DCDC2: variants seen among roughly 807,000 people sequenced by gnomAD.
DCDC2 encodes doublecortin domain containing 2, also known as doublecortin domain-containing protein 2.
DCDC2 carries 40 observed loss-of-function variants against 50.2 expected under a neutral mutation model. That is an observed-to-expected ratio of 0.80 (90% CI 0.62 to 1.04). DCDC2 has a LOEUF of 1.04. Among genes scored for constraint, DCDC2 ranks in the 50% least tolerant of loss-of-function variants. DCDC2 has a pLI of 0.00. For missense variants in DCDC2, 570 were observed against 581.9 expected, an observed-to-expected ratio of 0.98 and a Z score of 0.21; for synonymous variants, 234 against 210.6, an observed-to-expected ratio of 1.11 and a Z score of -0.96.
chr6:24,340,005 G>A (rs762105362), intron 2 of DCDC2, among the ~76,000 whole-genome samples: 2 of 152,084 alleles, frequency 1.3e-5, no homozygotes, highest in African/African-American at 2.4e-5. Flanking sequence ...ATAGAGTTTC[G>A]GAATAAATAA....
chr6:24,290,906 G>A (rs1376693942), intron 5 of DCDC2, 26 bp downstream of exon 5: 3 of 1,591,492 alleles, frequency 1.9e-6, no homozygotes, highest in East Asian at 4.5e-5. Flanking sequence ...ACTAAAGCAT[G>A]AGGAGTGGTA....
chr6:24,180,201 C>G (rs1324423679), intron 8 of DCDC2, among the ~76,000 whole-genome samples: 1 of 152,116 alleles, frequency 6.6e-6, no homozygotes, highest in African/African-American at 2.4e-5. Context: ...ACATGGAAAT[C>G]CCTTCCCATT....
chr6:24,256,984 C>G (rs1762909055), intron 7 of DCDC2, among the ~76,000 whole-genome samples: 1 of 152,164 alleles, frequency 6.6e-6, no homozygotes, highest in Non-Finnish European at 1.5e-5. Context: ...TCAGTTTTCT[C>G]TACACAGAGC....
chr6:24,271,822 T>G (rs1039712291), intron 7 of DCDC2, among the ~76,000 whole-genome samples: 28 of 152,292 alleles, frequency 1.8e-4, no homozygotes, highest in African/African-American at 6.7e-4. Context: ...GTGATCTGAG[T>G]ATCAAAATAC....
intron 7 of DCDC2, among the ~76,000 whole-genome samples, chr6:24,238,751 T>C (rs1352013697): frequency 3.9e-5 from 6 of 152,164 alleles, no homozygotes; most frequent in Non-Finnish European, 7.3e-5. Flanking sequence ...TAAAGGATTA[T>C]CAGATGGAAG....
the DCDC2 span, among the ~76,000 whole-genome samples, chr6:24,368,058 AAG>A: frequency 1.3e-5 from 2 of 152,128 alleles, no homozygotes; most frequent in African/African-American, 4.8e-5. Context: ...GTCACATCCA[AAG>A]AGAGAATTAT....
At chr6:24,228,813 TGTCCACAAAGA>T (rs1762285196) in intron 7 of DCDC2, among the ~76,000 whole-genome samples, 1 of 152,152 alleles carries the variant, frequency 6.6e-6, no homozygotes, top group South Asian at 2.1e-4. Context: ...TCGTGGTCAC[TGTCCACAAAGA>T]GGATGTGACT....
At chr6:24,366,051 C>G in the DCDC2 span, among the ~76,000 whole-genome samples, 2 of 152,184 alleles carry the variant, frequency 1.3e-5, no homozygotes, top group Non-Finnish European at 2.9e-5. Flanking sequence ...CTCCTGACCT[C>G]AGGTGATCAT....
chr6:24,333,947 C>T (rs574629715), intron 2 of DCDC2, among the ~76,000 whole-genome samples: 1 of 152,222 alleles, frequency 6.6e-6, no homozygotes, highest in East Asian at 1.9e-4. Context: ...AGGTTTATGA[C>T]TCTCAAAACT....
At chr6:24,176,225 G>A (rs947245697) in intron 9 of DCDC2, among the ~76,000 whole-genome samples, 1 of 152,084 alleles carries the variant, frequency 6.6e-6, no homozygotes, top group African/African-American at 2.4e-5. Flanking sequence ...GAGCCCGGGA[G>A]GTCAAAGCTG....
chr6:24,191,325 C>A (rs1247661025), intron 8 of DCDC2, among the ~76,000 whole-genome samples: 1 of 152,116 alleles, frequency 6.6e-6, no homozygotes, highest in Non-Finnish European at 1.5e-5. Flanking sequence ...GAGACCAAGT[C>A]AGAACATGGA....
intron 8 of DCDC2, among the ~76,000 whole-genome samples, chr6:24,195,364 T>G (rs1236383386): frequency 6.6e-6 from 1 of 152,220 alleles, no homozygotes; most frequent in Non-Finnish European, 1.5e-5. Context: ...AAACTCTTTT[T>G]TTCAAATATT....
chr6:24,267,119 C>T (rs941599525), intron 7 of DCDC2, among the ~76,000 whole-genome samples: 14 of 151,984 alleles, frequency 9.2e-5, no homozygotes, highest in East Asian at 5.8e-4. Context: ...ATTAAACTCA[C>T]GAAGATACAG....
intron 7 of DCDC2, among the ~76,000 whole-genome samples, chr6:24,258,513 C>A (rs749961182): frequency 2.0e-5 from 3 of 152,130 alleles, no homozygotes; most frequent in Non-Finnish European, 4.4e-5. Context: ...GTGCATTTTG[C>A]AATCCTCTTG....
At chr6:24,218,365 T>C (rs1417215) in intron 7 of DCDC2, among the ~76,000 whole-genome samples, 112,230 of 152,182 alleles carry the variant, frequency 0.74, 43,342 homozygotes, top group Non-Finnish European at 0.85. Context: ...CAGATATTGA[T>C]TGAGCATCCA....
intron 8 of DCDC2, among the ~76,000 whole-genome samples, chr6:24,200,846 A>G (rs1761571489): frequency 6.6e-6 from 1 of 152,024 alleles, no homozygotes; most frequent in Admixed American, 6.5e-5. Context: ...AAAAAAAACC[A>G]GGGGTTGCAA....
intron 7 of DCDC2, among the ~76,000 whole-genome samples, chr6:24,256,031 T>C (rs1302292232): frequency 2.6e-5 from 4 of 152,194 alleles, no homozygotes; most frequent in Non-Finnish European, 5.9e-5. Flanking sequence ...GATACAGTCA[T>C]ACATGGAATC....
chr6:24,297,131 C>CA (rs1310622207), intron 4 of DCDC2, among the ~76,000 whole-genome samples: 6 of 147,852 alleles, frequency 4.1e-5, no homozygotes, highest in African/African-American at 1.5e-4. Context: ...ACTATGCAGC[C>CA]ATAAAAAAGG....
chr6:24,358,949 T>C (rs1390579480), upstream of DCDC2, among the ~76,000 whole-genome samples: 9 of 74,078 alleles, frequency 1.2e-4, no homozygotes, highest in South Asian at 3.7e-4. Flanking sequence ...ATATATTATA[T>C]ATTATATATT....
Sources: gnomAD v4.1 joint callset for allele counts (sites outside exome capture counted in the v4.1 genomes callset) on GRCh38, gnomAD v4.1.1 for gene constraint, MANE v1.5 for transcripts, NCBI Gene and HGNC (gene_info 2026-07-23, HGNC 2026-07-21) for gene names.